DNAH1: variants seen among roughly 807,000 people sequenced by gnomAD.
DNAH1 encodes axonemal beta dynein heavy chain 1.
Under a neutral mutation model 484.3 loss-of-function variants are expected in DNAH1, and 327 were observed. The ratio of observed to expected loss-of-function variants is 0.68; its 90% CI spans 0.62 to 0.74. DNAH1 has a LOEUF of 0.74. Ranked by LOEUF, DNAH1 falls within the 30% of genes least tolerant of loss-of-function variation. DNAH1 has a pLI of 0.00. For missense variants in DNAH1, 5,052 were observed against 5,546.8 expected (o/e 0.91, Z 2.83); for synonymous variants, 2,192 against 2,191.9 (o/e 1.00, Z 0.00).
rs369223081 is a variant in DNAH1, at chr3:52,363,051, C to G, written c.5151C>G (p.Ile1717Met). The part of the protein sequence containing the change: ...MVPDYAMITE[I>M]SLYSFGFNEA... Reference sequence around the variant, plus strand: ...CAGATTACGCCATGATCACTGAGATCTCCCTCTATTCCTTTGGCTTTAATG... The same window carrying G: ...CAGATTACGCCATGATCACTGAGATGTCCCTCTATTCCTTTGGCTTTAATG... Residue 1717 changes from isoleucine (I) to methionine (M), a missense_variant, in exon 32 of 78, where the codon ATC becomes ATG. Physicochemically the swap from Ile to Met is conservative, Grantham distance 10 (BLOSUM62 1). Around this residue, in one of 4 missense-constraint regions of DNAH1, gnomAD observed 2,929 missense variants for 3,409.4 expected, o/e 0.86. Transcript: ENST00000420323. 3 of 1,613,908 alleles carry G rather than the reference C, an allele frequency of 1.9e-6. No individual in the cohort carries two copies. The African/African-American group carries it at 4.0e-5, about 22-fold the overall frequency.
At chr3:52,360,283 C>T (rs1423832505) in intron 27 of DNAH1, 28 bp from the exon 28 acceptor site, 2 of 1,595,966 alleles carry the variant, frequency 1.3e-6, no homozygotes, top group Non-Finnish European at 1.7e-6. Context: ...TGCCCCATGG[C>T]CAGGCCCTCA....
chr3:52,364,678 T>G lies in DNAH1; in HGVS notation c.5285T>G (p.Ile1762Ser). 1 of 1,613,900 alleles carries G rather than the reference T, an allele frequency of 6.2e-7. No individual in the cohort carries two copies. Among genetic ancestry groups the G allele is most frequent in the Non-Finnish European group, 8.5e-7 (1 of 1,179,876 alleles). Residue 1762 changes from isoleucine to serine, a missense_variant, in exon 33 of 78, where the codon ATC (isoleucine) becomes AGC (serine). Ile to Ser is a moderately radical substitution (Grantham distance 142). Coordinates refer to ENST00000420323, the MANE Select transcript of DNAH1 (RefSeq NM_015512.5). This position sits in a 1 kb window ranked among gnomAD's most constrained non-coding sequence, Gnocchi z 4.2. ...DFGMRAVKTVISAAGNLKREN... is the reference protein window; with the variant it reads ...DFGMRAVKTVSSAAGNLKREN... ...GGGATGAGAGCCGTGAAAACTGTGATCTCGGCTGCTGGGAACCTCAAGCGA... is the reference window on the plus strand; with the variant it reads ...GGGATGAGAGCCGTGAAAACTGTGAGCTCGGCTGCTGGGAACCTCAAGCGA...
At chr3:52,373,844 A>G in intron 44 of DNAH1, 1 of 1,410,972 alleles carries the variant, frequency 7.1e-7, no homozygotes. Flanking sequence ...ACCCAGAAGT[A>G]GTCCATATGT....
chr3:52,334,233 GTATTCATGTATCTAAACA>G (rs1186509305), intron 8 of DNAH1, among the ~76,000 whole-genome samples: 1 of 152,094 alleles, frequency 6.6e-6, no homozygotes, highest in African/African-American at 2.4e-5. Context: ...ACAACGGCAA[GTATTCATGTATCTAAACA>G]TAGAAAAGGT....
In DNAH1 at chr3:52,326,300, G is replaced by A; in HGVS notation, c.567G>A (p.Lys189=). 1 of 1,607,464 alleles carries A rather than the reference G, an allele frequency of 6.2e-7. No individual in the cohort carries two copies. The highest frequency in any genetic ancestry group is 8.5e-7 in the Non-Finnish European group (1 of 1,179,714). Residue 189 remains lysine, a synonymous_variant, in exon 4 of 78, where the codon AAG becomes AAA. Transcript: ENST00000420323. ...FQVLPGQHPR[K]IEIERRKQQY... is the part of the protein sequence containing the mutation. ...TGCTGCCAGGCCAGCATCCTCGCAA[G>A]ATTGAGATCGAGAGGTACGGCTGGG...
chr3:52,356,184 A>G (rs552162626), intron 21 of DNAH1, among the ~76,000 whole-genome samples: 1 of 152,262 alleles, frequency 6.6e-6, no homozygotes, highest in East Asian at 1.9e-4. Context: ...TGTTTCAGAG[A>G]GTATTTTAGG....
Position 52,361,686 on chromosome 3 carries a change from G to T in DNAH1, c.4900G>T (p.Glu1634Ter), listed in dbSNP as rs200432701. The T allele has an allele frequency of 6.7e-5, 108 of 1,609,646 alleles. 2 individuals carry two copies. Among genetic ancestry groups the T allele is most frequent in the Non-Finnish European group, 6.8e-6 (8 of 1,178,260 alleles). Reference sequence around the variant, plus strand: ...TGCTGGGGCCTGGGCCTGCTTCGACGAGTTCAATCGCATCGACATCGAGGT... The same window carrying T: ...TGCTGGGGCCTGGGCCTGCTTCGACTAGTTCAATCGCATCGACATCGAGGT... ...ASAGAWACFD[E>*]FNRIDIEVLS... The change falls in exon 30 of 78, where the codon GAG becomes TAG. Residue 1634 changes from glutamate (E) to a stop codon, truncating the protein, a stop_gained. Coordinates refer to ENST00000420323, the MANE Select transcript of DNAH1 (RefSeq NM_015512.5). LOFTEE classifies it high-confidence loss of function. The surrounding 1 kb of genome is among the most constrained non-coding windows in gnomAD (Gnocchi z 5.6).
intron 8 of DNAH1, among the ~76,000 whole-genome samples, chr3:52,333,960 T>C (rs914808344): frequency 1.3e-5 from 2 of 152,234 alleles, no homozygotes; most frequent in African/African-American, 2.4e-5. Flanking sequence ...TTTAAACTTA[T>C]GATAAGTTTA....
rs1007824439 is a variant in DNAH1 at position 52,365,019 on chromosome 3, G to A, written c.5518G>A (p.Gly1840Ser). Residue 1840 changes from glycine (G) to serine (S), a missense_variant and splice_region_variant, in exon 34 of 78, where the codon GGC (glycine) becomes AGC (serine). This residue lies in a region of DNAH1 where 2,929 missense variants were observed against 3,409.4 expected (regional missense o/e 0.86). Transcript: ENST00000420323. ...CRNSNLKDVE[G>S]FLTKCIQLYE... ...GAACAGCAACCTCAAGGATGTGGAG[G>A]GTGAGCCTCGGGCCCTGAGTGTTCG... 1.2e-6 allele frequency: 2 copies of A among 1,606,318 alleles called. No individual in the cohort carries two copies. The highest frequency in any genetic ancestry group is 2.7e-5 in the African/African-American group (2 of 74,826).
In DNAH1 at chr3:52,358,793, C is replaced by T. The variant is rs1702728479; in HGVS notation, c.4266+56C>T. 1.4e-5 allele frequency: 23 copies of T among 1,595,366 alleles called. No homozygotes were observed. The highest frequency in any genetic ancestry group is 2.0e-5 in the Non-Finnish European group (23 of 1,171,646). ...ACCCCTGCACCCCTCTGCTCCCTCTCAGTGCCCCTCCTGCTCTAGCCGGCC... is the reference window on the plus strand; with the variant it reads ...ACCCCTGCACCCCTCTGCTCCCTCTTAGTGCCCCTCCTGCTCTAGCCGGCC... On this transcript the variant is annotated intron_variant, in intron 25 of 77. Coordinates refer to ENST00000420323, the MANE Select transcript of DNAH1 (RefSeq NM_015512.5). The surrounding 1 kb of genome is among the most constrained non-coding windows in gnomAD (Gnocchi z 4.2).
In DNAH1 at chr3:52,357,548, A is replaced by G. The variant is rs977650277; in HGVS notation, c.3859-66A>G. 4.5e-6 allele frequency: 7 copies of G among 1,552,894 alleles called. No individual in the cohort carries two copies. In the African/African-American group the frequency reaches 9.5e-5, roughly 21 times the overall value. On this transcript the variant is annotated intron_variant, in intron 22 of 77. Coordinates refer to ENST00000420323, the MANE Select transcript of DNAH1 (RefSeq NM_015512.5). Reference sequence around the variant, plus strand: ...CTCTGGCTGGTGTGGGTGCTCTGGGATGAGCCTATCTTGCTACCTGGACCA... The same window carrying G: ...CTCTGGCTGGTGTGGGTGCTCTGGGGTGAGCCTATCTTGCTACCTGGACCA...
At chr3:52,372,859 C>T in intron 43 of DNAH1, 37 bp from the exon 44 acceptor site, 1 of 1,586,496 alleles carries the variant, frequency 6.3e-7, no homozygotes, top group South Asian at 1.1e-5. Flanking sequence ...GGACCTGGTG[C>T]CTGTGGGTGC....
At chr3:52,378,901 G>A in intron 47 of DNAH1, 121 bp downstream of exon 47, 3 of 1,313,530 alleles carry the variant, frequency 2.3e-6, no homozygotes, top group Non-Finnish European at 3.2e-6. Context: ...GGAACATGGA[G>A]GTGCCAGGCC....
At chr3:52,388,748 C>A (rs1162418241) in intron 58 of DNAH1, 58 bp from the exon 59 acceptor site, 1 of 1,607,358 alleles carries the variant, frequency 6.2e-7, no homozygotes, top group African/African-American at 1.3e-5. Flanking sequence ...TGGGTAGGGC[C>A]AGCCCCAGGC....
At chr3:52,374,775 G>C in intron 44 of DNAH1, 1 of 1,098,962 alleles carries the variant, frequency 9.1e-7, no homozygotes, top group Non-Finnish European at 1.4e-6. Flanking sequence ...AAAGCTGTTT[G>C]ATGACTGTAC....
chr3:52,397,893 G>A lies in DNAH1; in HGVS notation c.11958+16G>A. On this transcript the variant is annotated intron_variant, in intron 74 of 77. Transcript: ENST00000420323. ...CCGGGAGGAGGTGGGTGGTGTCAGA[G>A]TAAGGGGCCCAAGGGCTGGACGGGC... The A allele has an allele frequency of 5.0e-6, 8 of 1,590,866 alleles. No individual in the cohort carries two copies. The highest frequency in any genetic ancestry group is 6.0e-6 in the Non-Finnish European group (7 of 1,167,430).
chr3:52,381,703 C>G lies in DNAH1; in HGVS notation c.7672C>G (p.Leu2558Val). The change falls in exon 49 of 78, where the codon CTG becomes GTG. Residue 2558 changes from leucine to valine, a missense_variant. This residue lies in a region of DNAH1 where 2,929 missense variants were observed against 3,409.4 expected (regional missense o/e 0.86). Coordinates refer to ENST00000420323, the MANE Select transcript of DNAH1 (RefSeq NM_015512.5). This position sits in a 1 kb window ranked among gnomAD's most constrained non-coding sequence, Gnocchi z 4.1. ...YNQINTAKLK[L>V]VLFMDAMSHI... ...CCAGATCAACACGGCCAAGCTGAAGCTGGTCCTCTTCATGGACGCCATGAG... is the reference window on the plus strand; with the variant it reads ...CCAGATCAACACGGCCAAGCTGAAGGTGGTCCTCTTCATGGACGCCATGAG... 6.2e-7 allele frequency: 1 copy of G among 1,607,514 alleles called. No individual in the cohort carries two copies. Among genetic ancestry groups the G allele is most frequent in the Non-Finnish European group, 8.5e-7 (1 of 1,177,454 alleles).
chr3:52,378,325 T>C (rs896898119), intron 46 of DNAH1, among the ~76,000 whole-genome samples: 7 of 151,666 alleles, frequency 4.6e-5, no homozygotes, highest in Non-Finnish European at 1.0e-4. Context: ...CGCCCAGCAC[T>C]GACCCCACGA....
rs1427156594 is a variant in DNAH1 at position 52,370,038 on chromosome 3, A to T, written c.6138+19A>T. 6.2e-7 allele frequency: 1 copy of T among 1,612,990 alleles called. No individual in the cohort carries two copies. Among genetic ancestry groups the T allele is most frequent in the East Asian group, 2.2e-5 (1 of 44,876 alleles). The stretch of plus-strand genomic sequence containing the variant: ...CCTGGAGGTGAGTGAGGCCACGGGT[A>T]TGTCTGACCCTGGCAGGGCAGCAGG... On this transcript the variant is annotated intron_variant, in intron 38 of 77. Transcript: ENST00000420323.
Sources: allele counts gnomAD v4.1 joint callset (sites outside exome capture counted in the v4.1 genomes callset), GRCh38; gene constraint gnomAD v4.1.1; regional missense constraint gnomAD v4.1.1; non-coding constraint Gnocchi (gnomAD v3.1); transcripts MANE v1.5; gene names NCBI Gene and HGNC (gene_info 2026-07-23, HGNC 2026-07-21).